MDFIC: variants seen among roughly 807,000 people sequenced by gnomAD.
MDFIC encodes the protein MyoD family inhibitor domain containing.
A neutral mutation model predicts 23.2 loss-of-function variants in MDFIC; 17 were observed. The observed-to-expected ratio is 0.73, with a 90% CI of 0.50 to 1.10. The LOEUF (loss-of-function observed/expected upper bound fraction) is 1.10, where lower values mean the gene tolerates loss of function less well. MDFIC is among the 50% of genes least tolerant of loss of function. The pLI is 0.00. For missense variants in MDFIC, 356 were observed against 316.6 expected (o/e 1.12, Z -0.95); for synonymous variants, 120 against 115.2 (o/e 1.04, Z -0.27).
At chr7:115,013,218 A>G (rs1455431243) in intron 4 of MDFIC, among the ~76,000 whole-genome samples, 1 of 152,170 alleles carries the variant, frequency 6.6e-6, no homozygotes, top group East Asian at 1.9e-4. Context: ...TACAATAAAA[A>G]ACAAGGGAAA....
At chr7:114,991,781 C>T (rs1161582132) in intron 4 of MDFIC, among the ~76,000 whole-genome samples, 4 of 152,110 alleles carry the variant, frequency 2.6e-5, no homozygotes, top group African/African-American at 9.7e-5. Flanking sequence ...ACTCAGGTAA[C>T]GTGATGCCTC....
At chr7:114,949,233 G>A (rs1792711499) in intron 3 of MDFIC, among the ~76,000 whole-genome samples, 1 of 151,962 alleles carries the variant, frequency 6.6e-6, no homozygotes, top group Non-Finnish European at 1.5e-5. Context: ...TAAATTATTT[G>A]GGTCATTATT....
At chr7:114,930,970 A>G (rs1792296879) in intron 2 of MDFIC, among the ~76,000 whole-genome samples, 1 of 152,212 alleles carries the variant, frequency 6.6e-6, no homozygotes, top group Non-Finnish European at 1.5e-5. Flanking sequence ...AGTAGATCAA[A>G]GAAAGTTGCT....
At chr7:114,929,348 C>T (rs1792264303) in intron 2 of MDFIC, among the ~76,000 whole-genome samples, 1 of 152,114 alleles carries the variant, frequency 6.6e-6, no homozygotes, top group Non-Finnish European at 1.5e-5. Flanking sequence ...CCTTGTGATC[C>T]CCTGCCTTAG....
chr7:114,943,849 C>T (rs1394456734), intron 3 of MDFIC, among the ~76,000 whole-genome samples: 1 of 151,948 alleles, frequency 6.6e-6, no homozygotes, highest in East Asian at 1.9e-4. Context: ...TAAGTGTGTG[C>T]TTCATTTAAT....
intron 3 of MDFIC, among the ~76,000 whole-genome samples, chr7:114,974,277 TAATTGCATA>T (rs1248908131): frequency 3.5e-5 from 5 of 141,094 alleles, no homozygotes; most frequent in African/African-American, 7.9e-5. Flanking sequence ...TATATGCAAA[TAATTGCATA>T]TATATGCATA....
At chr7:114,936,558 A>T (rs1025761640) in intron 2 of MDFIC, among the ~76,000 whole-genome samples, 28 of 148,442 alleles carry the variant, frequency 1.9e-4, no homozygotes, top group Non-Finnish European at 2.2e-4. Flanking sequence ...ATTTATGTTT[A>T]AAAAAAAAAG....
chr7:114,936,872 T>A (rs557674479), intron 2 of MDFIC, among the ~76,000 whole-genome samples: 1 of 151,938 alleles, frequency 6.6e-6, no homozygotes, highest in African/African-American at 2.4e-5. Context: ...ATATTGTAAT[T>A]GTGAACATTG....
At chr7:114,968,105 C>T (rs903181078) in intron 3 of MDFIC, among the ~76,000 whole-genome samples, 1 of 152,194 alleles carries the variant, frequency 6.6e-6, no homozygotes, top group Non-Finnish European at 1.5e-5. Flanking sequence ...GCATGAGCCA[C>T]TGTGCCCAGC....
intron 2 of MDFIC, among the ~76,000 whole-genome samples, chr7:114,935,762 G>A (rs1792412499): frequency 6.6e-6 from 1 of 151,876 alleles, no homozygotes; most frequent in African/African-American, 2.4e-5. Context: ...ACTTTTGGGG[G>A]ATATACTTTT....
rs1278960857 is a variant in MDFIC at position 115,017,650 on chromosome 7, T to C, written c.*1715T>C. The C allele has an allele frequency of 2.0e-5, 3 of 152,386 alleles. No individual in the cohort carries two copies. Among genetic ancestry groups the C allele is most frequent in the African/African-American group, 4.8e-5 (2 of 41,428 alleles). 9.4% of individuals were successfully genotyped at this position (152,386 alleles called of 1,614,324 possible). On this transcript the variant is annotated 3_prime_UTR_variant, in exon 5 of 5. Transcript: ENST00000393486. Reference sequence around the variant, plus strand: ...AATTACAAGAGTAATTGTATAGTTATTGAGACCTATAGTGTGTGGCTTAGA... The same window carrying C: ...AATTACAAGAGTAATTGTATAGTTACTGAGACCTATAGTGTGTGGCTTAGA...
chr7:114,938,300 A>G (rs1396660819), intron 2 of MDFIC, among the ~76,000 whole-genome samples: 1 of 152,352 alleles, frequency 6.6e-6, no homozygotes, highest in East Asian at 1.9e-4. Flanking sequence ...AGACAGAAAT[A>G]AATACCTCTA....
intron 4 of MDFIC, among the ~76,000 whole-genome samples, chr7:114,994,620 G>T (rs1791279660): frequency 6.6e-6 from 1 of 152,100 alleles, no homozygotes; most frequent in Admixed American, 6.6e-5. Context: ...GCTTAATTTG[G>T]CTGTATATGA....
At chr7:114,981,060 G>A (rs1444142861) in intron 4 of MDFIC, among the ~76,000 whole-genome samples, 1 of 152,190 alleles carries the variant, frequency 6.6e-6, no homozygotes, top group Non-Finnish European at 1.5e-5. Flanking sequence ...GGTCATCTCT[G>A]AAGCATAGGT....
chr7:115,011,624 G>T (rs1791684210), intron 4 of MDFIC, among the ~76,000 whole-genome samples: 1 of 152,190 alleles, frequency 6.6e-6, no homozygotes, highest in Non-Finnish European at 1.5e-5. Flanking sequence ...AAATTAATTT[G>T]TAAATCTTAT....
intron 3 of MDFIC, among the ~76,000 whole-genome samples, chr7:114,972,036 A>G (rs1261025536): frequency 6.6e-6 from 1 of 152,198 alleles, no homozygotes; most frequent in Non-Finnish European, 1.5e-5. Context: ...AAGGAAATGG[A>G]AAAACAAGGG....
At chr7:115,014,052 C>T (rs1433712319) in intron 4 of MDFIC, 1 of 985,194 alleles carries the variant, frequency 1.0e-6, no homozygotes, top group East Asian at 1.1e-4. Context: ...TGTCCTTCTA[C>T]AAACACAACT....
At chr7:114,961,204 A>G (rs1303003350) in intron 3 of MDFIC, among the ~76,000 whole-genome samples, 1 of 152,184 alleles carries the variant, frequency 6.6e-6, no homozygotes, top group African/African-American at 2.4e-5. Flanking sequence ...TTCCCCCCAC[A>G]ACACATGAAC....
chr7:114,960,357 C>A (rs1033944512), intron 3 of MDFIC, among the ~76,000 whole-genome samples: 36 of 152,050 alleles, frequency 2.4e-4, no homozygotes, highest in Admixed American at 1.0e-3. Flanking sequence ...CAGGCTGATC[C>A]AGAGATGCTA....
Sources: allele counts gnomAD v4.1 joint callset (sites outside exome capture counted in the v4.1 genomes callset), GRCh38; gene constraint gnomAD v4.1.1; transcripts MANE v1.5; gene names NCBI Gene and HGNC (gene_info 2026-07-23, HGNC 2026-07-21).